Variants in KIFAP3 observed in about 807,000 individuals in gnomAD.
The protein encoded by KIFAP3 is kinesin-associated protein 3.
Under a neutral mutation model 106.5 loss-of-function variants are expected in KIFAP3, and 68 were observed. The ratio of observed to expected loss-of-function variants is 0.64; its 90% CI spans 0.53 to 0.78. The LOEUF is 0.78. Ranked by LOEUF, KIFAP3 falls within the 30% of genes least tolerant of loss-of-function variation. The probability of loss-of-function intolerance (pLI) is 0.00; values close to 1 mark genes in which losing one functional copy is unlikely to be tolerated. For synonymous variants in KIFAP3, 320 were observed against 311.5 expected (o/e 1.03, Z -0.29); for missense variants, 780 against 941.8 (o/e 0.83, Z 2.25).
intron 19 of KIFAP3, among the ~76,000 whole-genome samples, chr1:169,927,496 AT>A (rs1386407181): frequency 6.6e-6 from 1 of 152,198 alleles, no homozygotes; most frequent in Non-Finnish European, 1.5e-5. Context: ...TTTGATTTTA[AT>A]GCATCTGTTA....
intron 19 of KIFAP3, among the ~76,000 whole-genome samples, chr1:169,929,062 G>A (rs145204707): frequency 8.4e-4 from 128 of 152,106 alleles, no homozygotes; most frequent in African/African-American, 2.5e-3. Flanking sequence ...CTACTACATC[G>A]AGATCTAAAT....
At chr1:170,052,152 A>G (rs1670608927) in intron 2 of KIFAP3, among the ~76,000 whole-genome samples, 1 of 152,140 alleles carries the variant, frequency 6.6e-6, no homozygotes, top group African/African-American at 2.4e-5. Context: ...AATAAAGGGG[A>G]TACCACCACT....
chr1:169,944,172 T>C (rs1044747222), intron 19 of KIFAP3, among the ~76,000 whole-genome samples: 12 of 37,330 alleles, frequency 3.2e-4, no homozygotes, highest in African/African-American at 2.1e-3. Context: ...GTTAGCCAGG[T>C]GTGGAGCGGC....
rs2101969651 is a variant in KIFAP3 at position 170,004,591 on chromosome 1, A to G, written c.1183+11871T>C. Among the ~76,000 whole-genome samples, 4 of 152,318 alleles carry G rather than the reference A, an allele frequency of 2.6e-5. No individual in the cohort carries two copies. The Middle Eastern group carries it at 0.01, about 389-fold the overall frequency. On this transcript the variant is annotated intron_variant, in intron 10 of 19. Transcript: ENST00000361580. ...ATCTGATCTTTGACAAACCTGAGAAAAACAAGCAATGGGGAAAGGATTCCC... is the reference window on the plus strand; with the variant it reads ...ATCTGATCTTTGACAAACCTGAGAAGAACAAGCAATGGGGAAAGGATTCCC...
intron 13 of KIFAP3, among the ~76,000 whole-genome samples, 167 bp from the exon 14 acceptor site, chr1:169,983,034 G>C (rs1245679363): frequency 6.6e-6 from 1 of 151,956 alleles, no homozygotes; most frequent in Non-Finnish European, 1.5e-5. Context: ...ATGGTGAACT[G>C]GTTTAAGGCA....
At chr1:170,077,885 G>A (rs138016106), upstream of KIFAP3, among the ~76,000 whole-genome samples, 15 of 144,654 alleles carry the variant, frequency 1.0e-4, no homozygotes, top group East Asian at 3.0e-3. Flanking sequence ...TTTCGGTCCT[G>A]TTTTTTTTTT....
chr1:169,940,894 G>A (rs1360256378), intron 19 of KIFAP3, among the ~76,000 whole-genome samples: 1 of 151,072 alleles, frequency 6.6e-6, no homozygotes, highest in East Asian at 1.9e-4. Context: ...TTGAGCAGTT[G>A]CACTTGTTTA....
At chr1:169,972,948 A>C (rs1363314916) in intron 16 of KIFAP3, among the ~76,000 whole-genome samples, 1 of 151,366 alleles carries the variant, frequency 6.6e-6, no homozygotes, top group East Asian at 1.9e-4. Context: ...TTCTTGATCT[A>C]TCCTGCTCTC....
At chr1:169,922,389 C>T (rs1662877253) in intron 19 of KIFAP3, among the ~76,000 whole-genome samples, 1 of 152,124 alleles carries the variant, frequency 6.6e-6, no homozygotes, top group Non-Finnish European at 1.5e-5. Context: ...CAAACAATTA[C>T]AAAACATATC....
chr1:170,067,663 G>C (rs1302542010), intron 1 of KIFAP3: 1 of 152,250 alleles, frequency 6.6e-6, no homozygotes, highest in Admixed American at 6.5e-5. Context: ...TTTGAGGTCA[G>C]CTGCAAGGGG....
rs1438274843 is a variant in KIFAP3 at position 170,055,356 on chromosome 1, A to C, written c.113T>G (p.Leu38Arg). The C allele has an allele frequency of 1.2e-6, 2 of 1,611,480 alleles. No individual in the cohort carries two copies. The highest frequency in any genetic ancestry group is 2.2e-5 in the South Asian group (2 of 90,514). ...CAACATGGGGTCCCCCATTTCTCCA[A>C]GAATGGTAGCTTCCACTTCATAGTG... ...IVHYEVEATI[L>R]GEMGDPMLGE... The change falls in exon 2 of 20, where the codon CTT becomes CGT. Residue 38 changes from leucine (L) to arginine (R), a missense_variant. Transcript: ENST00000361580.
intron 1 of KIFAP3, chr1:170,068,352 C>CA (rs1671547075): frequency 6.6e-6 from 1 of 151,902 alleles, no homozygotes; most frequent in African/African-American, 2.4e-5. Context: ...TGTCTCAACA[C>CA]ATAAATAGTT....
At chr1:170,001,722 A>T (rs1475717022) in intron 10 of KIFAP3, among the ~76,000 whole-genome samples, 1 of 152,162 alleles carries the variant, frequency 6.6e-6, no homozygotes, top group African/African-American at 2.4e-5. Context: ...TTTTTTAAAA[A>T]ATCTACTTTA....
At chr1:169,940,911 A>ATG (rs3838394) in intron 19 of KIFAP3, among the ~76,000 whole-genome samples, 3,187 of 148,022 alleles carry the variant, frequency 0.022, 44 homozygotes, top group African/African-American at 0.027. Context: ...TTTAAGAATT[A>ATG]TGTGTGTGTG....
At chr1:170,052,777 C>T (rs956901456) in intron 2 of KIFAP3, among the ~76,000 whole-genome samples, 4 of 151,958 alleles carry the variant, frequency 2.6e-5, no homozygotes, top group Admixed American at 1.3e-4. Context: ...AAAAGGCCTT[C>T]GAAAAAATTC....
In KIFAP3 at chr1:169,972,568, T is replaced by C. The variant is rs1034377229; in HGVS notation, c.1928A>G (p.His643Arg). The stretch of plus-strand genomic sequence containing the variant: ...CTTTCGGATTTCATTATTCTTATCA[T>C]GCATTAGGTCTATGAGATATGCTGG... ...QAPAYLIDLM[H>R]DKNNEIRKVC... The change falls in exon 17 of 20, where the codon CAT becomes CGT. Residue 643 changes from histidine (H) to arginine (R), a missense_variant. Around this residue, in one of 3 missense-constraint regions of KIFAP3, gnomAD observed 78 missense variants for 140.6 expected, o/e 0.55. Coordinates refer to ENST00000361580, the MANE Select transcript of KIFAP3 (RefSeq NM_014970.4). 3 of 1,572,608 alleles carry C rather than the reference T, an allele frequency of 1.9e-6. No individual in the cohort carries two copies. Among genetic ancestry groups the C allele is most frequent in the Non-Finnish European group, 2.6e-6 (3 of 1,146,446 alleles).
At chr1:170,027,684 CAG>C (rs1669184751) in intron 8 of KIFAP3, among the ~76,000 whole-genome samples, 1 of 152,014 alleles carries the variant, frequency 6.6e-6, no homozygotes, top group South Asian at 2.1e-4. Flanking sequence ...TGTAGAGTAT[CAG>C]AGAACTGTGG....
intron 19 of KIFAP3, among the ~76,000 whole-genome samples, chr1:169,937,645 C>T (rs1349589393): frequency 4.6e-5 from 7 of 151,758 alleles, no homozygotes; most frequent in Admixed American, 4.6e-4. Context: ...ATACAACCAA[C>T]TAAAGATATA....
chr1:170,046,793 G>C lies in KIFAP3; in HGVS notation c.238C>G (p.Leu80Val). The change falls in exon 3 of 20, where the codon CTC (leucine) becomes GTC (valine). Residue 80 changes from leucine (L) to valine (V), a missense_variant. Physicochemically the swap from Leu to Val is conservative, Grantham distance 32. Around this residue, in one of 3 missense-constraint regions of KIFAP3, gnomAD observed 588 missense variants for 678.9 expected, o/e 0.87. Transcript: ENST00000361580. ...TCATTTAGTTTTGAAGGATGAATGA[G>C]TTTACATTCTTCAACCACCTTCCTT... The part of the protein sequence containing the change: ...LARKVVEECK[L>V]IHPSKLNEVE... The C allele has an allele frequency of 1.2e-6, 2 of 1,610,048 alleles. No homozygotes were observed. Among genetic ancestry groups the C allele is most frequent in the Non-Finnish European group, 1.7e-6 (2 of 1,177,440 alleles).
Sources: allele counts gnomAD v4.1 joint callset (sites outside exome capture counted in the v4.1 genomes callset), GRCh38; gene constraint gnomAD v4.1.1; regional missense constraint gnomAD v4.1.1; transcripts MANE v1.5; gene names NCBI Gene and HGNC (gene_info 2026-07-23, HGNC 2026-07-21).